USP34: variants seen among roughly 807,000 people sequenced by gnomAD.
The protein encoded by USP34 is ubiquitin specific peptidase 34.
Under a neutral mutation model 460.3 loss-of-function variants are expected in USP34, and 70 were observed. The observed-to-expected ratio is 0.15, with a 90% CI of 0.13 to 0.19. USP34 has a LOEUF of 0.19. Ranked by LOEUF, USP34 falls within the 10% of genes least tolerant of loss-of-function variation. The probability of loss-of-function intolerance (pLI) is 1.00; values close to 1 mark genes in which losing one functional copy is unlikely to be tolerated. For synonymous variants in USP34, 1,647 were observed against 1,405.3 expected (o/e 1.17, Z -3.85); for missense variants, 3,985 against 4,236.2 (o/e 0.94, Z 1.65).
intron 33 of USP34, among the ~76,000 whole-genome samples, chr2:61,289,351 C>A (rs192351966): frequency 1.3e-5 from 2 of 152,138 alleles, no homozygotes; most frequent in Admixed American, 6.5e-5. Context: ...GAAAATAATT[C>A]AACTGAAACT....
chr2:61,454,556 T>A (rs973066485), intron 1 of USP34, among the ~76,000 whole-genome samples: 3 of 152,108 alleles, frequency 2.0e-5, no homozygotes, highest in Non-Finnish European at 4.4e-5. Context: ...GTCAATATAG[T>A]GTTCTTGTTT....
chr2:61,415,445 G>T (rs551821841), intron 2 of USP34, among the ~76,000 whole-genome samples: 6 of 152,104 alleles, frequency 3.9e-5, no homozygotes, highest in Non-Finnish European at 8.8e-5. Flanking sequence ...TTTATTTTTA[G>T]AACTACCCTA....
chr2:61,321,420 A>C (rs568704541), intron 21 of USP34, among the ~76,000 whole-genome samples: 1 of 152,264 alleles, frequency 6.6e-6, no homozygotes, highest in African/African-American at 2.4e-5. Context: ...GCAGTGAGCC[A>C]AGATTTGCGC....
intron 40 of USP34, 24 bp downstream of exon 40, chr2:61,278,364 T>G: frequency 6.2e-7 from 1 of 1,607,522 alleles, no homozygotes; most frequent in Non-Finnish European, 8.5e-7. Flanking sequence ...ACAATATAAA[T>G]GTCAATTTCA....
chr2:61,190,241 T>A (rs563822597), intron 78 of USP34, 30 bp downstream of exon 78: 1 of 1,577,346 alleles, frequency 6.3e-7, no homozygotes, highest in Admixed American at 1.9e-5. Context: ...AGTTTAAAAG[T>A]GTGTGCCGCC....
intron 1 of USP34, among the ~76,000 whole-genome samples, chr2:61,440,385 G>A (rs1458214826): frequency 6.6e-6 from 1 of 152,096 alleles, no homozygotes; most frequent in Non-Finnish European, 1.5e-5. Context: ...GAAATGTCAT[G>A]GCAGCTGTGC....
intron 53 of USP34, among the ~76,000 whole-genome samples, chr2:61,236,753 T>C (rs1179056830): frequency 6.6e-6 from 1 of 152,208 alleles, no homozygotes. Context: ...GTTGGCACAA[T>C]ACTTAACTCT....
chr2:61,470,828 C>T lies in USP34; in HGVS notation c.-136G>A. On this transcript the variant is annotated 5_prime_UTR_variant, in exon 1 of 80. Coordinates refer to ENST00000398571, the MANE Select transcript of USP34 (RefSeq NM_014709.4). ...GGGAGGCGACTAGGGCGGGCGGCGG[C>T]GGGGACGGGGCGGGGAGCAAGAGAA... The T allele has an allele frequency of 6.6e-6, 1 of 151,260 alleles. No individual in the cohort carries two copies. Among genetic ancestry groups the T allele is most frequent in the Non-Finnish European group, 1.3e-5 (1 of 74,094 alleles). 9.4% of individuals were successfully genotyped at this position (151,260 alleles called of 1,614,324 possible).
At chr2:61,264,694 A>T (rs1020952047) in intron 43 of USP34, among the ~76,000 whole-genome samples, 5 of 152,080 alleles carry the variant, frequency 3.3e-5, no homozygotes, top group African/African-American at 1.2e-4. Flanking sequence ...ATTCATCAAA[A>T]AACTCTAAAA....
At chr2:61,421,163 G>C (rs1213666603) in intron 1 of USP34, among the ~76,000 whole-genome samples, 5 of 152,120 alleles carry the variant, frequency 3.3e-5, no homozygotes, top group African/African-American at 1.2e-4. Context: ...TTAAGATCTT[G>C]TTCTCCAGTG....
At chr2:61,358,251 C>A (rs1692165825) in intron 10 of USP34, among the ~76,000 whole-genome samples, 1 of 150,188 alleles carries the variant, frequency 6.7e-6, no homozygotes, top group African/African-American at 2.4e-5. Flanking sequence ...ACTAACAAAA[C>A]CAAAGGACGG....
intron 1 of USP34, among the ~76,000 whole-genome samples, chr2:61,466,764 T>G (rs759542930): frequency 1.1e-4 from 16 of 151,834 alleles, no homozygotes; most frequent in Admixed American, 2.6e-4. Context: ...ATACAAAAAT[T>G]AGCCAGGCAA....
chr2:61,280,664 T>C (rs1354474240), intron 38 of USP34, among the ~76,000 whole-genome samples: 1 of 152,158 alleles, frequency 6.6e-6, no homozygotes, highest in Non-Finnish European at 1.5e-5. Flanking sequence ...GGCTCTAAAT[T>C]TATTATGTAT....
intron 25 of USP34, 83 bp downstream of exon 25, chr2:61,314,502 T>C (rs1398531276): frequency 7.9e-7 from 1 of 1,270,798 alleles, no homozygotes; most frequent in Non-Finnish European, 1.0e-6. Flanking sequence ...AACAAAAACT[T>C]TAGATTCACT....
At chr2:61,226,982 C>A in intron 62 of USP34, 85 bp downstream of exon 62, 2 of 1,420,412 alleles carry the variant, frequency 1.4e-6, no homozygotes, top group South Asian at 3.1e-5. Flanking sequence ...TAATAAAAAG[C>A]TAGTGGAAAA....
chr2:61,257,399 A>G, intron 44 of USP34, 49 bp from the exon 45 acceptor site: 1 of 1,486,390 alleles, frequency 6.7e-7, no homozygotes, highest in Non-Finnish European at 9.0e-7. Context: ...AAATAAGAAA[A>G]TTATAGGTTC....
chr2:61,455,787 C>T (rs561567816), intron 1 of USP34, among the ~76,000 whole-genome samples: 4 of 152,256 alleles, frequency 2.6e-5, no homozygotes, highest in East Asian at 1.9e-4. Flanking sequence ...GCTAGCACTG[C>T]GTTAAATGTT....
chr2:61,253,379 C>T (rs533194243), intron 48 of USP34, among the ~76,000 whole-genome samples: 56 of 152,152 alleles, frequency 3.7e-4, no homozygotes, highest in Non-Finnish European at 6.0e-4. Flanking sequence ...TATTCCTCTA[C>T]AGCAGTTAAC....
rs115822104 is a variant in USP34, at chr2:61,189,919, T to A, written c.9873+352A>T. On this transcript the variant is annotated intron_variant, in intron 78 of 79. Coordinates refer to ENST00000398571, the MANE Select transcript of USP34 (RefSeq NM_014709.4). The stretch of plus-strand genomic sequence containing the variant: ...ATGCTCTAGATTTAACTGCCTTTTT[T>A]AAATCAGTAGATCATTAATTGTTTC... 1,328 of 173,342 alleles carry A rather than the reference T, an allele frequency of 7.7e-3. 19 individuals carry two copies. Among genetic ancestry groups the A allele is most frequent in the African/African-American group, 0.029 (1,233 of 42,410 alleles). The allele number at this position is 173,342 out of a possible 1,614,324, so 10.7% of individuals were successfully genotyped here. A position where few individuals can be genotyped will look rare whatever the true frequency, so the allele number is the denominator to read the frequency against.
Sources: allele counts gnomAD v4.1 joint callset (sites outside exome capture counted in the v4.1 genomes callset), GRCh38; gene constraint gnomAD v4.1.1; transcripts MANE v1.5; gene names NCBI Gene and HGNC (gene_info 2026-07-23, HGNC 2026-07-21).